METAP2: variants seen among roughly 807,000 people sequenced by gnomAD.
The protein encoded by METAP2 is methionyl aminopeptidase 2.
Under a neutral mutation model 59.4 loss-of-function variants are expected in METAP2, and 25 were observed. The observed-to-expected ratio is 0.42, with a 90% CI of 0.31 to 0.59. The LOEUF (loss-of-function observed/expected upper bound fraction) is 0.59. Ranked by LOEUF, METAP2 falls within the 20% of genes least tolerant of loss-of-function variation. The pLI, the probability that METAP2 is intolerant of heterozygous loss-of-function variation, is 0.16. For synonymous variants in METAP2, 214 were observed against 194.1 expected, an observed-to-expected ratio of 1.10 and a Z score of -0.85; for missense variants, 366 against 581.2, an observed-to-expected ratio of 0.63 and a Z score of 3.81.
At position 95,485,866 on chromosome 12, in the gene METAP2, T is replaced by G. The variant is rs377641984; in HGVS notation, c.326-13T>G. The G allele has an allele frequency of 3.4e-6, 5 of 1,487,962 alleles. 1 individual carries two copies. In the South Asian group the frequency reaches 3.9e-5, roughly 12 times the overall value. The allele number at this position is 1,487,962 out of a possible 1,614,324, so 92.2% of individuals were successfully genotyped here. ...TTAACTACAGAAGTTAATGCTTTAT[T>G]TGTATCTCACAGCAAAAGTTCAAAC... On this transcript the variant is annotated splice_polypyrimidine_tract_variant and intron_variant, in intron 3 of 10. Transcript: ENST00000323666.
intron 2 of METAP2, among the ~76,000 whole-genome samples, chr12:95,479,928 A>G (rs2076146809): frequency 6.6e-6 from 1 of 152,164 alleles, no homozygotes; most frequent in Non-Finnish European, 1.5e-5. Flanking sequence ...ATCCTTTTTA[A>G]GTGTATAGTT....
chr12:95,509,845 A>ACCCCCCCCC (rs1491185984), intron 8 of METAP2, among the ~76,000 whole-genome samples: 1 of 101,678 alleles, frequency 9.8e-6, no homozygotes, highest in Non-Finnish European at 2.1e-5. Flanking sequence ...CTCCCCCCCA[A>ACCCCCCCCC]CCTTTTTTTT....
At chr12:95,489,535 G>A (rs930608613) in intron 4 of METAP2, among the ~76,000 whole-genome samples, 1 of 152,180 alleles carries the variant, frequency 6.6e-6, no homozygotes, top group Admixed American at 6.6e-5. Context: ...AAATAGATCA[G>A]ATTCAGTATT....
intron 8 of METAP2, among the ~76,000 whole-genome samples, chr12:95,508,392 A>G (rs1267471293): frequency 6.6e-6 from 1 of 152,178 alleles, no homozygotes; most frequent in Admixed American, 6.5e-5. Context: ...TCTTAACCCA[A>G]AGAAAGCTGA....
intron 9 of METAP2, among the ~76,000 whole-genome samples, chr12:95,512,255 C>A (rs574997934): frequency 2.2e-4 from 33 of 152,280 alleles, no homozygotes; most frequent in Non-Finnish European, 3.4e-4. Context: ...AGGTGCCAGT[C>A]TCTTTATAGT....
chr12:95,479,048 A>T (rs1216197506), intron 2 of METAP2, among the ~76,000 whole-genome samples: 1 of 152,112 alleles, frequency 6.6e-6, no homozygotes, highest in African/African-American at 2.4e-5. Flanking sequence ...CTGCACTCCA[A>T]CCTGGGTAAC....
chr12:95,496,867 C>T (rs1371807205), intron 7 of METAP2, among the ~76,000 whole-genome samples: 2 of 146,118 alleles, frequency 1.4e-5, no homozygotes, highest in East Asian at 3.9e-4. Flanking sequence ...CTCTGTTGCC[C>T]AGGCTGGAGT....
At chr12:95,510,812 TTTTC>T (rs796962289) in intron 8 of METAP2, among the ~76,000 whole-genome samples, 11 of 152,346 alleles carry the variant, frequency 7.2e-5, no homozygotes, top group African/African-American at 2.6e-4. Context: ...TTTCATTTGC[TTTTC>T]TTTATGTCTT....
At chr12:95,493,292 A>G (rs897693056) in intron 4 of METAP2, among the ~76,000 whole-genome samples, 5 of 152,174 alleles carry the variant, frequency 3.3e-5, no homozygotes, top group African/African-American at 1.2e-4. Flanking sequence ...CCTGGACAAC[A>G]TAGCAAGACC....
rs760611381 is a variant in METAP2, at chr12:95,511,889, T to A, written c.965-6T>A. On this transcript the variant is annotated splice_region_variant and splice_polypyrimidine_tract_variant and intron_variant, in intron 8 of 10. Transcript: ENST00000323666. ...ATGACTTTTATTTCCCTATTTTTTA[T>A]AACAGTGAAACCAATCCGTAATCTA... 2.5e-6 allele frequency: 4 copies of A among 1,587,734 alleles called. No homozygotes were observed. The South Asian group carries it at 4.5e-5, about 18-fold the overall frequency.
intron 7 of METAP2, among the ~76,000 whole-genome samples, chr12:95,496,337 C>G (rs1489964699): frequency 6.6e-6 from 1 of 152,074 alleles, no homozygotes; most frequent in African/African-American, 2.4e-5. Context: ...TTTATTAAAA[C>G]AGAGTTTGGA....
rs201132678 is a variant in METAP2 at position 95,495,074 on chromosome 12, C to T, written c.708C>T (p.Ala236=). 5.3e-5 allele frequency: 86 copies of T among 1,613,424 alleles called. 1 individual carries two copies. Among genetic ancestry groups the T allele is most frequent in the Middle Eastern group, 1.6e-4 (1 of 6,082 alleles). ...GTGCTGCCCATTATACTCCCAATGC[C>T]GGTGACACAACAGTATTACAGTATG... ...NNCAAHYTPN[A]GDTTVLQYDD... The change falls in exon 6 of 11, where the codon GCC becomes GCT. Residue 236 remains alanine, a synonymous_variant. Coordinates refer to ENST00000323666, the MANE Select transcript of METAP2 (RefSeq NM_006838.4).
chr12:95,504,216 G>A (rs1246403963), intron 8 of METAP2, 55 bp downstream of exon 8: 19 of 1,275,540 alleles, frequency 1.5e-5, no homozygotes, highest in Admixed American at 1.9e-5. Context: ...AACTATTGTC[G>A]AGTGTTTTCT....
chr12:95,480,264 T>A (rs1482296893), intron 2 of METAP2, among the ~76,000 whole-genome samples: 3 of 152,254 alleles, frequency 2.0e-5, no homozygotes, highest in Non-Finnish European at 4.4e-5. Flanking sequence ...TCCTAATATG[T>A]TTTACCCTTT....
Position 95,513,635 on chromosome 12 carries a change from G to A in METAP2, c.1185-17G>A. ...AACTCTTTTGCCAACAGTTAATTTT[G>A]GATTTTCTCCTCTTAGGCTTCCAAG... On this transcript the variant is annotated splice_polypyrimidine_tract_variant and intron_variant, in intron 10 of 10. Transcript: ENST00000323666. 1 of 1,606,808 alleles carries A rather than the reference G, an allele frequency of 6.2e-7. No homozygotes were observed. The highest frequency in any genetic ancestry group is 8.5e-7 in the Non-Finnish European group (1 of 1,176,076).
intron 2 of METAP2, among the ~76,000 whole-genome samples, chr12:95,478,561 GGTGGAGGTTGCTGTCA>G (rs1182830675): frequency 6.6e-6 from 1 of 152,042 alleles, no homozygotes; most frequent in African/African-American, 2.4e-5. Context: ...GAACCCAGGA[GGTGGAGGTTGCTGTCA>G]GTGGAGGTTG....
At chr12:95,505,447 C>A (rs2076351063) in intron 8 of METAP2, among the ~76,000 whole-genome samples, 1 of 152,154 alleles carries the variant, frequency 6.6e-6, no homozygotes, top group Non-Finnish European at 1.5e-5. Flanking sequence ...GCCTCAGCCT[C>A]CTCATTAGCT....
intron 8 of METAP2, among the ~76,000 whole-genome samples, chr12:95,505,549 G>A (rs1041425095): frequency 3.3e-5 from 5 of 150,934 alleles, no homozygotes; most frequent in Admixed American, 1.3e-4. Flanking sequence ...GCAGTGGCAC[G>A]ATCTCGGCTC....
At chr12:95,491,698 A>C (rs1397732805) in intron 4 of METAP2, among the ~76,000 whole-genome samples, 1 of 151,594 alleles carries the variant, frequency 6.6e-6, no homozygotes, top group African/African-American at 2.4e-5. Context: ...TTTTAGTAGA[A>C]ACAGGGTCTT....
Sources: gnomAD v4.1 joint callset for allele counts (sites outside exome capture counted in the v4.1 genomes callset) on GRCh38, gnomAD v4.1.1 for gene constraint, MANE v1.5 for transcripts, NCBI Gene and HGNC (gene_info 2026-07-23, HGNC 2026-07-21) for gene names.